Variants in PCCA observed in about 807,000 individuals in gnomAD.
The protein encoded by PCCA is propionyl-CoA carboxylase subunit alpha, also known as propionyl-CoA carboxylase alpha chain, mitochondrial.
In PCCA, 74 loss-of-function variants were observed where a neutral mutation model predicts 101.3. The observed-to-expected ratio is 0.73, with a 90% confidence interval of 0.61 to 0.89. The LOEUF is 0.89. Among genes scored for constraint, PCCA ranks in the 40% least tolerant of loss-of-function variants. The probability of loss-of-function intolerance (pLI) is 0.00; values close to 1 mark genes in which losing one functional copy is unlikely to be tolerated. For synonymous variants in PCCA, 294 were observed against 313.6 expected (o/e 0.94, Z 0.66); for missense variants, 891 against 907.0 (o/e 0.98, Z 0.23).
intron 6 of PCCA, among the ~76,000 whole-genome samples, chr13:100,186,166 G>A (rs756081477): frequency 2.0e-5 from 3 of 152,068 alleles, no homozygotes; most frequent in African/African-American, 7.2e-5. Context: ...TTTGTGTGGC[G>A]TTATACAAGT....
intron 7 of PCCA, among the ~76,000 whole-genome samples, chr13:100,225,420 C>T (rs544801544): frequency 2.0e-5 from 3 of 152,170 alleles, no homozygotes; most frequent in East Asian, 1.9e-4. Flanking sequence ...AGAGTATGGC[C>T]GTGTATTTGA....
intron 4 of PCCA, among the ~76,000 whole-genome samples, chr13:100,144,699 C>T (rs997105281): frequency 6.6e-6 from 1 of 152,056 alleles, no homozygotes; most frequent in African/African-American, 2.4e-5. Flanking sequence ...TTGGGATGAG[C>T]CAGACTTCAT....
chr13:100,249,839 A>G (rs563011618), intron 8 of PCCA, among the ~76,000 whole-genome samples: 1 of 152,250 alleles, frequency 6.6e-6, no homozygotes, highest in South Asian at 2.1e-4. Context: ...TGTAAATGTC[A>G]CTATTTTAAT....
chr13:100,289,071 C>G (rs1349515414), intron 12 of PCCA, among the ~76,000 whole-genome samples: 1 of 152,160 alleles, frequency 6.6e-6, no homozygotes, highest in African/African-American at 2.4e-5. Context: ...GTTTTCCCTA[C>G]ATTCCTAATA....
At chr13:100,121,690 G>A (rs1341956243) in intron 4 of PCCA, among the ~76,000 whole-genome samples, 1 of 151,746 alleles carries the variant, frequency 6.6e-6, no homozygotes, top group Non-Finnish European at 1.5e-5. Context: ...TGACCAGGCT[G>A]GGCTCAAACT....
chr13:100,152,769 C>T (rs903584697), intron 4 of PCCA, among the ~76,000 whole-genome samples: 2 of 151,986 alleles, frequency 1.3e-5, no homozygotes, highest in Non-Finnish European at 2.9e-5. Context: ...GTTTATAAAA[C>T]GTTTGTGATA....
chr13:100,417,972 C>A (rs932992699), intron 19 of PCCA, among the ~76,000 whole-genome samples: 5 of 152,114 alleles, frequency 3.3e-5, no homozygotes, highest in African/African-American at 1.2e-4. Context: ...TTCCTCTTGG[C>A]AACCTTCAGC....
At chr13:100,145,578 T>TA (rs1393669960) in intron 4 of PCCA, among the ~76,000 whole-genome samples, 1 of 152,090 alleles carries the variant, frequency 6.6e-6, no homozygotes, top group African/African-American at 2.4e-5. Context: ...TGTTTAGGTA[T>TA]AACGGTAGGG....
chr13:100,409,326 C>G (rs779410937), intron 19 of PCCA, among the ~76,000 whole-genome samples: 1 of 152,158 alleles, frequency 6.6e-6, no homozygotes, highest in African/African-American at 2.4e-5. Context: ...AAAATGGTTC[C>G]TGGACTTTTC....
At chr13:100,419,555 G>T (rs1480161041) in intron 19 of PCCA, among the ~76,000 whole-genome samples, 1 of 152,182 alleles carries the variant, frequency 6.6e-6, no homozygotes, top group Non-Finnish European at 1.5e-5. Flanking sequence ...ATTATAGAAG[G>T]TTATGGGGAA....
chr13:100,484,664 T>C (rs1471904231), intron 21 of PCCA, among the ~76,000 whole-genome samples: 1 of 152,220 alleles, frequency 6.6e-6, no homozygotes, highest in Non-Finnish European at 1.5e-5. Context: ...TTCTTCCAGA[T>C]ATTAACACAT....
At chr13:100,169,567 G>A (rs2055415306) in intron 6 of PCCA, among the ~76,000 whole-genome samples, 2 of 151,460 alleles carry the variant, frequency 1.3e-5, no homozygotes, top group South Asian at 2.1e-4. Flanking sequence ...TTGCTCTGTT[G>A]CCCAGGCTAG....
chr13:100,176,508 C>A (rs547917809), intron 6 of PCCA, among the ~76,000 whole-genome samples: 3 of 152,178 alleles, frequency 2.0e-5, no homozygotes, highest in East Asian at 3.8e-4. Context: ...TTGTATGATA[C>A]ATCTACCCAT....
chr13:100,527,129 G>A (rs1053162302), intron 22 of PCCA, among the ~76,000 whole-genome samples: 2 of 151,686 alleles, frequency 1.3e-5, no homozygotes, highest in African/African-American at 4.8e-5. Context: ...CAGCTATACT[G>A]AGATGTAATT....
At chr13:100,431,805 G>T (rs1261965780) in intron 20 of PCCA, among the ~76,000 whole-genome samples, 1 of 152,098 alleles carries the variant, frequency 6.6e-6, no homozygotes, top group Non-Finnish European at 1.5e-5. Context: ...GGCAGAACTT[G>T]CAGTGAGCTG....
intron 18 of PCCA, among the ~76,000 whole-genome samples, chr13:100,348,906 CTTCCTTTCT>C (rs750112731): frequency 1.7e-5 from 1 of 58,434 alleles, no homozygotes; most frequent in Non-Finnish European, 3.8e-5. Flanking sequence ...TCCTTCCTTC[CTTCCTTTCT>C]TTTCTTTTCT....
chr13:100,170,619 G>A (rs2055538259), intron 6 of PCCA, among the ~76,000 whole-genome samples: 1 of 152,212 alleles, frequency 6.6e-6, no homozygotes, highest in African/African-American at 2.4e-5. Context: ...CACTACGTGT[G>A]TGCATGTGTA....
At position 100,307,278 on chromosome 13, in the gene PCCA, A is replaced by G. The variant is rs369105635; in HGVS notation, c.1353+18A>G. On this transcript the variant is annotated intron_variant, in intron 15 of 23. Coordinates refer to ENST00000376285, the MANE Select transcript of PCCA (RefSeq NM_000282.4). ...TTTCAAAAGTTAGTTTAATTTCTCAATGGATTATTTGATTTCTTCGAAAAA... is the reference window on the plus strand; with the variant it reads ...TTTCAAAAGTTAGTTTAATTTCTCAGTGGATTATTTGATTTCTTCGAAAAA... The G allele has an allele frequency of 2.8e-5, 41 of 1,474,422 alleles. No homozygotes were observed. The Admixed American group carries it at 2.8e-4, about 10-fold the overall frequency. The allele number at this position is 1,474,422 out of a possible 1,614,324, so 91.3% of individuals were successfully genotyped here. A position where few individuals can be genotyped will look rare whatever the true frequency, so the allele number is the denominator to read the frequency against.
At chr13:100,292,135 A>G (rs894206811) in intron 12 of PCCA, among the ~76,000 whole-genome samples, 3 of 152,144 alleles carry the variant, frequency 2.0e-5, no homozygotes, top group African/African-American at 7.2e-5. Context: ...GGTTATCTGG[A>G]TCTCTCATGA....
Sources: allele counts gnomAD v4.1 joint callset (sites outside exome capture counted in the v4.1 genomes callset), GRCh38; gene constraint gnomAD v4.1.1; transcripts MANE v1.5; gene names NCBI Gene and HGNC (gene_info 2026-07-23, HGNC 2026-07-21).